Variants in ALS2CL observed in about 807,000 individuals in gnomAD.
The protein encoded by ALS2CL is ALS2 C-terminal like, also known as ALS2 C-terminal-like protein.
A neutral mutation model predicts 127.9 loss-of-function variants in ALS2CL; 112 were observed. The observed-to-expected ratio is 0.88, with a 90% CI of 0.75 to 1.02. The LOEUF (loss-of-function observed/expected upper bound fraction) is 1.02, where lower values mean the gene tolerates loss of function less well. ALS2CL is among the 50% of genes least tolerant of loss of function. The pLI is 0.00. For synonymous variants in ALS2CL, 519 were observed against 527.6 expected (o/e 0.98, Z 0.22); for missense variants, 1,174 against 1,236.7 (o/e 0.95, Z 0.76).
chr3:46,689,291 A>G, intron 2 of ALS2CL, 47 bp downstream of exon 2: 1 of 1,588,600 alleles, frequency 6.3e-7, no homozygotes, highest in Non-Finnish European at 8.6e-7. Flanking sequence ...TGTCCCTGGG[A>G]TCATTCCTCG....
In ALS2CL at chr3:46,681,365, G is replaced by C. The variant is rs1199387543; in HGVS notation, c.1317C>G (p.Gly439=). ...CAAGGACCCCAAATCCGTGCCGCAGGCCCTCCTGGAAGTAGCCCTTGTACA... is the reference window on the plus strand; with the variant it reads ...CAAGGACCCCAAATCCGTGCCGCAGCCCCTCCTGGAAGTAGCCCTTGTACA... ...DEVYKGYFQE[G]LRHGFGVLES... is the part of the protein sequence containing the mutation. The change falls in exon 13 of 26, where the codon GGC becomes GGG. Residue 439 remains glycine, a synonymous_variant. Coordinates refer to ENST00000318962, the MANE Select transcript of ALS2CL (RefSeq NM_147129.5). This position sits in a 1 kb window ranked among gnomAD's most constrained non-coding sequence, Gnocchi z 4.9. 1.6e-5 allele frequency: 25 copies of C among 1,608,954 alleles called. No homozygotes were observed. The highest frequency in any genetic ancestry group is 2.1e-5 in the Non-Finnish European group (25 of 1,176,044).
In ALS2CL at chr3:46,676,854, G is replaced by A. The variant is rs72892134; in HGVS notation, c.1926C>T (p.Cys642=). The change falls in exon 17 of 26, where the codon TGC becomes TGT. Residue 642 remains cysteine, a synonymous_variant. Coordinates refer to ENST00000318962, the MANE Select transcript of ALS2CL (RefSeq NM_147129.5). ...GCTCACACAGCCGGCCTCACCTCTCGCAGGACAGGTAATCCTGAGACCTAC... is the reference window on the plus strand; with the variant it reads ...GCTCACACAGCCGGCCTCACCTCTCACAGGACAGGTAATCCTGAGACCTAC... ...ELRRSQDYLS[C]ERTHPEDSVG... is the part of the protein sequence containing the mutation. 8.1e-4 allele frequency: 1,277 copies of A among 1,577,060 alleles called. 11 individuals are homozygous for A. In the African/African-American group the frequency reaches 0.013, roughly 17 times the overall value.
chr3:46,674,926 A>C, intron 20 of ALS2CL, 187 bp from the exon 21 acceptor site: 1 of 525,606 alleles, frequency 1.9e-6, no homozygotes, highest in South Asian at 4.0e-5. Context: ...TCATAACTTC[A>C]TTCCCTCCTT....
In ALS2CL at chr3:46,681,265, T is replaced by A. The variant is rs1443002971; in HGVS notation, c.1417A>T (p.Ile473Phe). ...GCTCACCTGTCACCATCCTCCTCAA[T>A]GCCATAGCCGCTCCTCTGGCCCCTC... ...WERGQRSGYG[I>F]EEDGDRGERY... The change falls in exon 13 of 26, where the codon ATT becomes TTT. Residue 473 changes from isoleucine to phenylalanine, a missense_variant. By Grantham distance (21) the Ile-to-Phe change is conservative. Coordinates refer to ENST00000318962, the MANE Select transcript of ALS2CL (RefSeq NM_147129.5). This position sits in a 1 kb window ranked among gnomAD's most constrained non-coding sequence, Gnocchi z 4.9. 2.5e-6 allele frequency: 4 copies of A among 1,613,802 alleles called. No homozygotes were observed. The South Asian group carries it at 4.4e-5, about 18-fold the overall frequency.
intron 7 of ALS2CL, 122 bp from the exon 8 acceptor site, chr3:46,684,169 C>G (rs988581869): frequency 2.7e-5 from 31 of 1,153,694 alleles, no homozygotes; most frequent in Admixed American, 6.0e-5. Context: ...CCCAGCATGT[C>G]CAGGACTGAG....
intron 8 of ALS2CL, 43 bp from the exon 9 acceptor site, chr3:46,683,891 G>C: frequency 6.2e-7 from 1 of 1,613,764 alleles, no homozygotes. Flanking sequence ...CTTTGTCCAG[G>C]AGGGTGGAGG....
In ALS2CL at chr3:46,686,100, G is replaced by A. The variant is rs539381026; in HGVS notation, c.666+208C>T. Among the ~76,000 whole-genome samples, 16 of 152,288 alleles carry A rather than the reference G, an allele frequency of 1.1e-4. No individual in the cohort carries two copies. In the South Asian group the frequency reaches 1.9e-3, roughly 18 times the overall value. ...CTGCTGATTGCCTCTTCCCTAGGCC[G>A]GGTCAGGGCCTGGCCCAGGACGTGC... is the stretch of plus-strand genomic sequence containing the variant. On this transcript the variant is annotated intron_variant, in intron 6 of 25. Coordinates refer to ENST00000318962, the MANE Select transcript of ALS2CL (RefSeq NM_147129.5). This position sits in a 1 kb window ranked among gnomAD's most constrained non-coding sequence, Gnocchi z 4.3.
chr3:46,674,681 GCT>G lies in ALS2CL; in HGVS notation c.2312_2313del (p.Glu771AlafsTer10), dbSNP rs767036695. On this transcript the variant is annotated frameshift_variant, in exon 21 of 26. Transcript: ENST00000318962. LOFTEE classifies it high-confidence loss of function. ...TGAAGCAGCAGGTAGAGCGTGAAGAGCTCTGAGTAGAAGCTGGGCAGCATGAG... is the reference window on the plus strand; with the variant it reads ...TGAAGCAGCAGGTAGAGCGTGAAGAGCTGAGTAGAAGCTGGGCAGCATGAG... Reference protein sequence around the residue: ...LPLMLPSFYSELFTLYLLLHE... With the variant: ...LPLMLPSFYSXLFTLYLLLHE... 2 of 1,614,134 alleles carry G rather than the reference GCT, an allele frequency of 1.2e-6. No individual in the cohort carries two copies. The highest frequency in any genetic ancestry group is 8.5e-7 in the Non-Finnish European group (1 of 1,180,010).
chr3:46,671,812 G>T (rs1271694426), intron 24 of ALS2CL, 72 bp downstream of exon 24: 43 of 1,595,094 alleles, frequency 2.7e-5, no homozygotes, highest in Admixed American at 6.8e-5. Flanking sequence ...GGGTTCAGAG[G>T]TATCAGAAGA....
chr3:46,670,962 A>G lies in ALS2CL; in HGVS notation c.*22T>C. The G allele has an allele frequency of 6.2e-7, 1 of 1,607,480 alleles. No individual in the cohort carries two copies. Among genetic ancestry groups the G allele is most frequent in the Non-Finnish European group, 8.5e-7 (1 of 1,174,004 alleles). Reference sequence around the variant, plus strand: ...CTGGCAGTGCCCTGCTCAGCTCTTCAGTCTGTCCAGGAAAGGCCAGGCTAC... The same window carrying G: ...CTGGCAGTGCCCTGCTCAGCTCTTCGGTCTGTCCAGGAAAGGCCAGGCTAC... On this transcript the variant is annotated 3_prime_UTR_variant, in exon 26 of 26. Transcript: ENST00000318962. This position sits in a 1 kb window ranked among gnomAD's most constrained non-coding sequence, Gnocchi z 5.5.
intron 3 of ALS2CL, 133 bp from the exon 4 acceptor site, chr3:46,687,817 G>A: frequency 1.1e-6 from 1 of 945,148 alleles, no homozygotes; most frequent in South Asian, 1.7e-5. Context: ...GCCTGGCTCT[G>A]GGCACTGGAG....
chr3:46,679,281 C>A lies in ALS2CL; in HGVS notation c.1555G>T (p.Gly519Cys). 6.3e-7 allele frequency: 1 copy of A among 1,587,548 alleles called. No individual in the cohort carries two copies. Among genetic ancestry groups the A allele is most frequent in the South Asian group, 1.2e-5 (1 of 86,670 alleles). ...GAGTCGTCTTCAGAGAGGAGGATGC[C>A]CGGGCCCTTGGGGAGAGGAAGCCAG... ...TFQADKTVGP[G>C]ILLSEDDSLY... Residue 519 changes from glycine to cysteine, a missense_variant, in exon 15 of 26, where the codon GGC (glycine) becomes TGC (cysteine). Coordinates refer to ENST00000318962, the MANE Select transcript of ALS2CL (RefSeq NM_147129.5).
Position 46,678,038 on chromosome 3 carries a change from A to G in ALS2CL, c.1757+221T>C, listed in dbSNP as rs181839038. On this transcript the variant is annotated intron_variant, in intron 16 of 25. Coordinates refer to ENST00000318962, the MANE Select transcript of ALS2CL (RefSeq NM_147129.5). ...AAAGCAGGACCTAAGCAAAGCCTAC[A>G]AATAATATTTCTCTCCAGTTTTGTG... 6.6e-3 allele frequency among the ~76,000 whole-genome samples: 995 copies of G among 150,066 alleles called. 15 individuals are homozygous for G. Among genetic ancestry groups the G allele is most frequent in the Non-Finnish European group, 9.2e-3 (625 of 67,816 alleles).
chr3:46,688,181 C>T lies in ALS2CL; in HGVS notation c.219G>A (p.Glu73=). The T allele has an allele frequency of 6.2e-7, 1 of 1,613,138 alleles. No individual in the cohort carries two copies. The highest frequency in any genetic ancestry group is 8.5e-7 in the Non-Finnish European group (1 of 1,180,008). The change falls in exon 3 of 26, where the codon GAG becomes GAA. Residue 73 remains glutamate (E), a synonymous_variant. Coordinates refer to ENST00000318962, the MANE Select transcript of ALS2CL (RefSeq NM_147129.5). ...VTEESLHSLQ[E]RLRYPDSTGL... is the part of the protein sequence containing the mutation. ...CGGTGGAGTCCGGGTAACGCAGCCT[C>T]TCCTGCAGTGAGTGCAGGCTTTCCT... is the stretch of plus-strand genomic sequence containing the variant.
intron 3 of ALS2CL, 48 bp from the exon 4 acceptor site, chr3:46,687,732 G>T (rs1299330154): frequency 6.4e-7 from 1 of 1,570,368 alleles, no homozygotes. Flanking sequence ...CTCAGCCCCA[G>T]ACCTAAGCCC....
intron 9 of ALS2CL, 124 bp from the exon 10 acceptor site, chr3:46,683,450 C>A: frequency 1.0e-6 from 1 of 982,314 alleles, no homozygotes; most frequent in Non-Finnish European, 1.5e-6. Context: ...CATTTTGTCA[C>A]CTTGGGGACC....
chr3:46,671,945 C>G lies in ALS2CL; in HGVS notation c.2623G>C (p.Glu875Gln), dbSNP rs374461789. The G allele has an allele frequency of 1.9e-6, 3 of 1,613,956 alleles. No homozygotes were observed. The highest frequency in any genetic ancestry group is 2.5e-6 in the Non-Finnish European group (3 of 1,179,996). ...AGGTCGTCCATGGGCAGCTTGTACT[C>G]CCGGCCCAATACCCTCGACACCGTG... ...EGTVSRVLGR[E>Q]YKLPMDDLLP... Residue 875 changes from glutamate to glutamine, a missense_variant, in exon 24 of 26, where the codon GAG (glutamate) becomes CAG (glutamine). Glu to Gln is a conservative substitution (Grantham distance 29, BLOSUM62 2). Transcript: ENST00000318962.
chr3:46,688,642 T>C (rs1699965164), intron 2 of ALS2CL, among the ~76,000 whole-genome samples: 1 of 152,198 alleles, frequency 6.6e-6, no homozygotes, highest in South Asian at 2.1e-4. Flanking sequence ...AGATCCAGAA[T>C]GTGAAGTCCA....
At chr3:46,675,446 CA>C in intron 20 of ALS2CL, 171 bp downstream of exon 20, 1 of 637,818 alleles carries the variant, frequency 1.6e-6, no homozygotes, top group Non-Finnish European at 2.7e-6. Flanking sequence ...CCTCACAGAA[CA>C]GAGGTCATGG....
Sources: allele counts gnomAD v4.1 joint callset (sites outside exome capture counted in the v4.1 genomes callset), GRCh38; gene constraint gnomAD v4.1.1; non-coding constraint Gnocchi (gnomAD v3.1); transcripts MANE v1.5; gene names NCBI Gene and HGNC (gene_info 2026-07-23, HGNC 2026-07-21).